The following IL25 variants were observed in gnomAD, a reference collection of about 807,000 sequenced individuals.
IL25 encodes the protein interleukin 25.
IL25 carries 10 observed loss-of-function variants against 13.2 expected under a neutral mutation model. The observed-to-expected ratio is 0.76, with a 90% CI of 0.47 to 1.29. The LOEUF is 1.29. IL25 is among the 50% of genes most tolerant of loss of function. The pLI is 0.00. For synonymous variants in IL25, 107 were observed against 92.1 expected (o/e 1.16, Z -0.93); for missense variants, 235 against 232.4 (o/e 1.01, Z -0.07).
At chr14:23,374,847 G>T (rs1276529979) in intron 1 of IL25, among the ~76,000 whole-genome samples, 1 of 152,060 alleles carries the variant, frequency 6.6e-6, no homozygotes, top group Admixed American at 6.6e-5. Context: ...GCAGGAAATA[G>T]TTGAGGATAG....
At chr14:23,373,058 C>A (rs1406418539) in exon 1 of IL25, 1 of 1,613,954 alleles carries the variant, frequency 6.2e-7, no homozygotes. Context: ...GGCCAAGCTG[C>A]CAGGTTTGGG....
chr14:23,375,576 T>C, intron 1 of IL25, 49 bp from the exon 3 acceptor site: 1 of 1,589,688 alleles, frequency 6.3e-7, no homozygotes, highest in South Asian at 1.1e-5. Flanking sequence ...CCCCACCCTC[T>C]CTGTTTCCGG....
exon 2 of IL25, chr14:23,376,154 A>T: frequency 2.2e-6 from 1 of 455,344 alleles, no homozygotes. Context: ...GGAGGCCACC[A>T]CTCCTGTCTC....
exon 2 of IL25, chr14:23,376,256 AT>A (rs908236825): frequency 1.5e-4 from 36 of 247,794 alleles, no homozygotes; most frequent in African/African-American, 7.7e-4. Context: ...CCCTGGTTTT[AT>A]TTGTTTGTTT....
chr14:23,373,296 C>T, exon 1 of IL25: 3 of 1,614,152 alleles, frequency 1.9e-6, no homozygotes, highest in South Asian at 2.2e-5. Flanking sequence ...TGTGCCTGTG[C>T]CTCCCCTAGA....
chr14:23,375,865 C>T (rs1029257950), exon 2 of IL25: 3 of 1,613,896 alleles, frequency 1.9e-6, no homozygotes, highest in African/African-American at 2.7e-5. Context: ...GTGTGCGGCC[C>T]CGTGTGATGG....
At chr14:23,376,137 C>T (rs1890552678) in exon 2 of IL25, 1 of 518,328 alleles carries the variant, frequency 1.9e-6, no homozygotes, top group Non-Finnish European at 3.4e-6. Context: ...AAGTTCTGCC[C>T]ATTTCTGGAG....
At chr14:23,374,422 G>A (rs533670074) in intron 1 of IL25, among the ~76,000 whole-genome samples, 1 of 152,202 alleles carries the variant, frequency 6.6e-6, no homozygotes, top group African/African-American at 2.4e-5. Flanking sequence ...GTAAACTTGG[G>A]AAAGACTGCT....
At chr14:23,373,324 G>A (rs199992202) in exon 1 of IL25, 259 of 1,613,996 alleles carry the variant, frequency 1.6e-4, no homozygotes, top group South Asian at 2.1e-4. Context: ...AGGCCCAACC[G>A]CCACCCAGAG....
chr14:23,375,077 C>CTGGCCAACCA lies in IL25; in HGVS notation c.279-539_279-530dup, dbSNP rs1890505054. Among the ~76,000 whole-genome samples the CTGGCCAACCA allele has an allele frequency of 2.6e-5, 4 of 152,224 alleles. No individual in the cohort carries two copies. In the South Asian group the frequency reaches 6.2e-4, roughly 24 times the overall value. On this transcript the variant is annotated intron_variant, in intron 1 of 1. Coordinates refer to ENST00000329715, the Ensembl canonical transcript of IL25. ...CTAAGGTCAGGAGTTCAAGACCAGC[C>CTGGCCAACCA]TGGCCAACCATGGCCAACATCATGA...
exon 2 of IL25, chr14:23,375,645 G>T (rs1030536412): frequency 6.2e-7 from 1 of 1,613,750 alleles, no homozygotes; most frequent in Non-Finnish European, 8.5e-7. Flanking sequence ...GACTTGAACC[G>T]GCTCCCCCAG....
At chr14:23,373,263 G>C (rs146134742) in exon 1 of IL25, 1 of 1,614,214 alleles carries the variant, frequency 6.2e-7, no homozygotes, top group East Asian at 2.2e-5. Context: ...GGACACCTCT[G>C]AGGAGCTGCT....
chr14:23,376,010 G>T (rs1890547269), exon 2 of IL25: 2 of 1,268,032 alleles, frequency 1.6e-6, no homozygotes, highest in Non-Finnish European at 2.2e-6. Context: ...AGGATCCCGG[G>T]ACAGGATGGG....
At chr14:23,373,081 G>A (rs1890455816) in exon 1 of IL25, 2 of 1,613,980 alleles carry the variant, frequency 1.2e-6, no homozygotes, top group Non-Finnish European at 1.7e-6. Context: ...TGGGGGCCAA[G>A]TGGAGTGAGA....
At position 23,373,393 on chromosome 14, in the gene IL25, ATGAG is replaced by A. The variant is rs771971165; in HGVS notation, c.278+3_278+6del. ...AGCAGGGCCATCTCCCCCTGGAGATATGAGTGAGTCTGCTGCCCCTCCCGAATGC... is the reference window on the plus strand; with the variant it reads ...AGCAGGGCCATCTCCCCCTGGAGATATGAGTCTGCTGCCCCTCCCGAATGC... On this transcript the variant is annotated splice_donor_variant and coding_sequence_variant, in exon 1 of 2. Coordinates refer to ENST00000329715, the Ensembl canonical transcript of IL25. LOFTEE classifies it high-confidence loss of function. The A allele has an allele frequency of 6.2e-7, 1 of 1,606,748 alleles. No individual in the cohort carries two copies. The highest frequency in any genetic ancestry group is 1.7e-5 in the Admixed American group (1 of 59,898).
At position 23,373,402 on chromosome 14, in the gene IL25, T is replaced by C; in HGVS notation, c.278+6T>C. The stretch of plus-strand genomic sequence containing the variant: ...ATCTCCCCCTGGAGATATGAGTGAG[T>C]CTGCTGCCCCTCCCGAATGCCTGCC... On this transcript the variant is annotated splice_donor_region_variant and intron_variant, in intron 1 of 1. Transcript: ENST00000329715. The C allele has an allele frequency of 1.2e-6, 2 of 1,600,996 alleles. No individual in the cohort carries two copies. The highest frequency in any genetic ancestry group is 1.7e-6 in the Non-Finnish European group (2 of 1,170,356).
intron 1 of IL25, 37 bp from the exon 3 acceptor site, chr14:23,375,588 C>G: frequency 6.3e-7 from 1 of 1,598,786 alleles, no homozygotes. Flanking sequence ...TGTTTCCGGC[C>G]CATCTTTCCA....
At position 23,373,197 on chromosome 14, in the gene IL25, G is replaced by C. The variant is rs142964189; in HGVS notation, c.79G>C (p.Val27Leu). ...ACAGGTGGTTGCATTCTTGGCAATGGTCATGGGAACCCACACCTACAGCCA... is the reference window on the plus strand; with the variant it reads ...ACAGGTGGTTGCATTCTTGGCAATGCTCATGGGAACCCACACCTACAGCCA... Residue 27 changes from valine to leucine, a missense_variant, in exon 1 of 2, where the codon GTC becomes CTC. Coordinates refer to ENST00000329715, the Ensembl canonical transcript of IL25. 3 of 1,614,108 alleles carry C rather than the reference G, an allele frequency of 1.9e-6. No individual in the cohort carries two copies. In the African/African-American group the frequency reaches 4.0e-5, roughly 22 times the overall value.
intron 1 of IL25, among the ~76,000 whole-genome samples, chr14:23,373,797 A>T (rs1890475029): frequency 6.6e-6 from 1 of 152,200 alleles, no homozygotes; most frequent in Non-Finnish European, 1.5e-5. Flanking sequence ...GAAGCATCCC[A>T]ATACCAATTG....
Sources: allele counts gnomAD v4.1 joint callset (sites outside exome capture counted in the v4.1 genomes callset), GRCh38; gene constraint gnomAD v4.1.1; transcripts MANE v1.5; gene names NCBI Gene and HGNC (gene_info 2026-07-23, HGNC 2026-07-21).